SLC22A15: variants seen among roughly 807,000 people sequenced by gnomAD.
SLC22A15 encodes flipt 1.
A neutral mutation model predicts 62.7 loss-of-function variants in SLC22A15; 45 were observed. The observed-to-expected ratio is 0.72, with a 90% CI of 0.56 to 0.92. The LOEUF is 0.92. SLC22A15 is among the 40% of genes least tolerant of loss of function. The pLI, the probability that SLC22A15 is intolerant of heterozygous loss-of-function variation, is 0.00. For missense variants in SLC22A15, 622 were observed against 665.6 expected, an observed-to-expected ratio of 0.93 and a Z score of 0.72; for synonymous variants, 264 against 267.0, an observed-to-expected ratio of 0.99 and a Z score of 0.11.
intron 8 of SLC22A15, among the ~76,000 whole-genome samples, chr1:116,054,059 A>G (rs1337269628): frequency 6.6e-6 from 1 of 152,156 alleles, no homozygotes; most frequent in African/African-American, 2.4e-5. Flanking sequence ...TAACAATATT[A>G]ACTTTAAATG....
intron 4 of SLC22A15, among the ~76,000 whole-genome samples, chr1:116,026,523 T>C (rs935798373): frequency 4.6e-5 from 7 of 152,146 alleles, no homozygotes; most frequent in Non-Finnish European, 1.0e-4. Context: ...AATAACCTCA[T>C]GACCTGAAAA....
chr1:116,031,957 A>G, intron 6 of SLC22A15: 1 of 1,072,154 alleles, frequency 9.3e-7, no homozygotes, highest in Non-Finnish European at 1.1e-6. Context: ...CTTTAAAAAT[A>G]CTTACCTTTG....
intron 10 of SLC22A15, 84 bp downstream of exon 10, chr1:116,064,592 CA>C: frequency 1.1e-6 from 1 of 902,498 alleles, no homozygotes; most frequent in Non-Finnish European, 1.8e-6. Context: ...AGGTGATGAA[CA>C]GATGTCATTT....
chr1:115,998,253 G>A (rs1655522793), intron 2 of SLC22A15, among the ~76,000 whole-genome samples: 1 of 151,742 alleles, frequency 6.6e-6, no homozygotes, highest in Non-Finnish European at 1.5e-5. Context: ...CTTTTTTTTG[G>A]TGTGTCTTTG....
chr1:116,031,486 C>A lies in SLC22A15; in HGVS notation c.849C>A (p.His283Gln). 1 of 1,614,024 alleles carries A rather than the reference C, an allele frequency of 6.2e-7. No homozygotes were observed. The highest frequency in any genetic ancestry group is 8.5e-7 in the Non-Finnish European group (1 of 1,179,882). ...TCAAGTGCACGTTCTCACTAACACA[C>A]CCAGCCAACAGGAGCTGCAGGGAGA... Reference protein sequence around the residue: ...RKLKCTFSLTHPANRSCRETG... With the variant: ...RKLKCTFSLTQPANRSCRETG... The change falls in exon 6 of 12, where the codon CAC (histidine) becomes CAA (glutamine). Residue 283 changes from histidine (H) to glutamine (Q), a missense_variant. Transcript: ENST00000369503.
chr1:116,067,196 T>C lies in SLC22A15; in HGVS notation c.*88T>C. ...TCTTCCATGACTCCTAAGAGAGTTG[T>C]AAAAATAGAGGCTTGGCTTGAATGT... On this transcript the variant is annotated 3_prime_UTR_variant, in exon 12 of 12. Transcript: ENST00000369503. 7 of 1,000,192 alleles carry C rather than the reference T, an allele frequency of 7.0e-6. No homozygotes were observed. The highest frequency in any genetic ancestry group is 2.8e-5 in the South Asian group (2 of 71,094). 62.0% of individuals were successfully genotyped at this position (1,000,192 alleles called of 1,614,324 possible). A position where few individuals can be genotyped will look rare whatever the true frequency, so the allele number is the denominator to read the frequency against.
intron 8 of SLC22A15, among the ~76,000 whole-genome samples, chr1:116,054,244 G>A (rs1570770990): frequency 6.6e-6 from 1 of 151,856 alleles, no homozygotes; most frequent in South Asian, 2.1e-4. Flanking sequence ...AAAAAGGCAT[G>A]GGTTGCAATC....
At chr1:116,013,565 T>C (rs547124801) in intron 2 of SLC22A15, among the ~76,000 whole-genome samples, 7 of 152,292 alleles carry the variant, frequency 4.6e-5, no homozygotes, top group Non-Finnish European at 1.0e-4. Context: ...CTTTGACATA[T>C]CTTTGATATA....
At chr1:116,007,473 A>G (rs765633471) in intron 2 of SLC22A15, among the ~76,000 whole-genome samples, 13 of 152,230 alleles carry the variant, frequency 8.5e-5, no homozygotes, top group Non-Finnish European at 1.9e-4. Context: ...TCACTGACCC[A>G]CACAACAGGA....
rs1470072990 is a variant in SLC22A15 at position 116,067,020 on chromosome 1, G to T, written c.1556G>T (p.Cys519Phe). Residue 519 changes from cysteine (C) to phenylalanine (F), a missense_variant and splice_region_variant, in exon 12 of 12, where the codon TGT (cysteine) becomes TTT (phenylalanine). By Grantham distance (205) the Cys-to-Phe change is radical. Transcript: ENST00000369503. ...LSLQALDPQQCVDKESSLGSE... is the reference protein window; with the variant it reads ...LSLQALDPQQFVDKESSLGSE... The stretch of plus-strand genomic sequence containing the variant: ...CCCTTTTCTTCTTTCCTGTTTCAGT[G>T]TGTGGACAAGGAGAGCTCTTTAGGG... The T allele has an allele frequency of 8.7e-6, 14 of 1,610,248 alleles. No individual in the cohort carries two copies. In the Admixed American group the frequency reaches 1.3e-4, roughly 15 times the overall value.
intron 1 of SLC22A15, among the ~76,000 whole-genome samples, chr1:115,987,977 T>C (rs1413999877): frequency 2.6e-5 from 4 of 152,348 alleles, no homozygotes; most frequent in Middle Eastern, 3.4e-3. Context: ...CTGAGAAGTA[T>C]TATAAGAGCT....
rs531368078 is a variant in SLC22A15 at position 116,049,391 on chromosome 1, T to A, written c.1171+12003T>A. On this transcript the variant is annotated intron_variant, in intron 8 of 11. Coordinates refer to ENST00000369503, the MANE Select transcript of SLC22A15 (RefSeq NM_018420.3). Reference sequence around the variant, plus strand: ...TAAATTTAAGAAATTTGAAATTATATCAAGCACTCTCTCAGACCACAGTGG... The same window carrying A: ...TAAATTTAAGAAATTTGAAATTATAACAAGCACTCTCTCAGACCACAGTGG... Among the ~76,000 whole-genome samples, 3 of 152,218 alleles carry A rather than the reference T, an allele frequency of 2.0e-5. No individual in the cohort carries two copies. The East Asian group carries it at 5.8e-4, about 29-fold the overall frequency.
chr1:116,005,471 G>A (rs146930044), intron 2 of SLC22A15, among the ~76,000 whole-genome samples: 35 of 151,656 alleles, frequency 2.3e-4, no homozygotes, highest in African/African-American at 8.5e-4. Context: ...TATAATGAAA[G>A]CAAATCCCAG....
chr1:116,054,114 T>A (rs982114918), intron 8 of SLC22A15, among the ~76,000 whole-genome samples: 89 of 152,220 alleles, frequency 5.8e-4, no homozygotes, highest in African/African-American at 2.1e-3. Context: ...ACTGGCAAAT[T>A]GGATAAAGAG....
Position 116,065,754 on chromosome 1 carries a change from C to T in SLC22A15, c.1366-766C>T, listed in dbSNP as rs182904532. Among the ~76,000 whole-genome samples, 34 of 152,164 alleles carry T rather than the reference C, an allele frequency of 2.2e-4. 1 individual carries two copies. The highest frequency in any genetic ancestry group is 1.8e-3 in the Admixed American group (28 of 15,284). On this transcript the variant is annotated intron_variant, in intron 10 of 11. Transcript: ENST00000369503. ...TCCTAATTAGTAGTGGACCTACCCA[C>T]GAAATTTGGAAGCCTAAACCAGAAG...
intron 8 of SLC22A15, among the ~76,000 whole-genome samples, chr1:116,050,681 C>G (rs542169296): frequency 7.9e-5 from 12 of 152,268 alleles, no homozygotes; most frequent in South Asian, 2.1e-4. Context: ...AATGCCCACT[C>G]TCACCACTCC....
At chr1:115,982,110 C>T (rs747240117) in intron 1 of SLC22A15, among the ~76,000 whole-genome samples, 1 of 152,132 alleles carries the variant, frequency 6.6e-6, no homozygotes, top group Non-Finnish European at 1.5e-5. Flanking sequence ...TTCAGAATAC[C>T]AGCTTGGTTC....
intron 8 of SLC22A15, among the ~76,000 whole-genome samples, chr1:116,044,603 A>T (rs1326483740): frequency 6.6e-6 from 1 of 152,216 alleles, no homozygotes; most frequent in Admixed American, 6.5e-5. Context: ...AACTGTCTTT[A>T]TTCACCAGAC....
rs1658516086 is a variant in SLC22A15, at chr1:116,067,040, T to G, written c.1576T>G (p.Leu526Val). 2.5e-6 allele frequency: 4 copies of G among 1,612,412 alleles called. No homozygotes were observed. The highest frequency in any genetic ancestry group is 3.4e-6 in the Non-Finnish European group (4 of 1,179,356). Reference sequence around the variant, plus strand: ...TCAGTGTGTGGACAAGGAGAGCTCTTTAGGGAGTGAGAGTGAGGAAGAGGA... The same window carrying G: ...TCAGTGTGTGGACAAGGAGAGCTCTGTAGGGAGTGAGAGTGAGGAAGAGGA... The part of the protein sequence containing the change: ...PQQCVDKESS[L>V]GSESEEEEEF... The change falls in exon 12 of 12, where the codon TTA becomes GTA. Residue 526 changes from leucine to valine, a missense_variant. Physicochemically the swap from Leu to Val is conservative, Grantham distance 32. Coordinates refer to ENST00000369503, the MANE Select transcript of SLC22A15 (RefSeq NM_018420.3).
Sources: gnomAD v4.1 joint callset for allele counts (sites outside exome capture counted in the v4.1 genomes callset) on GRCh38, gnomAD v4.1.1 for gene constraint, MANE v1.5 for transcripts, NCBI Gene and HGNC (gene_info 2026-07-23, HGNC 2026-07-21) for gene names.